UBAP1L: variants seen among roughly 807,000 people sequenced by gnomAD.
UBAP1L encodes ubiquitin associated protein 1 like.
Under a neutral mutation model 32.1 loss-of-function variants are expected in UBAP1L, and 32 were observed. The observed-to-expected ratio is 1.00, with a 90% CI of 0.75 to 1.34. The LOEUF (loss-of-function observed/expected upper bound fraction) is 1.34, where lower values mean the gene tolerates loss of function less well. UBAP1L is among the 40% of genes most tolerant of loss of function. UBAP1L has a pLI of 0.00. For missense variants in UBAP1L, 516 were observed against 540.5 expected (o/e 0.95, Z 0.45); for synonymous variants, 243 against 250.2 (o/e 0.97, Z 0.27).
Position 65,093,061 on chromosome 15 carries a change from G to A in UBAP1L, c.*36C>T. The A allele has an allele frequency of 6.5e-7, 1 of 1,535,460 alleles. No homozygotes were observed. The highest frequency in any genetic ancestry group is 8.7e-7 in the Non-Finnish European group (1 of 1,142,988). On this transcript the variant is annotated 3_prime_UTR_variant, in exon 6 of 6. Coordinates refer to ENST00000559089, the MANE Select transcript of UBAP1L (RefSeq NM_001163692.2). ...GATGGGTTGCCAGGTCTGGCATTGG[G>A]CCTAGATGCCCAGGCATCGTGGAGT...
At chr15:65,104,215 G>A (rs2087277264) in intron 2 of UBAP1L, among the ~76,000 whole-genome samples, 1 of 151,676 alleles carries the variant, frequency 6.6e-6, no homozygotes, top group Non-Finnish European at 1.5e-5. Context: ...TTGCACCACT[G>A]CACACTCCAG....
At chr15:65,105,735 G>GGTAGGT in intron 2 of UBAP1L, 1 of 699,624 alleles carries the variant, frequency 1.4e-6, no homozygotes, top group East Asian at 2.8e-5. Flanking sequence ...TGGTGGAGTT[G>GGTAGGT]GTAGGTGTGC....
intron 5 of UBAP1L, among the ~76,000 whole-genome samples, 175 bp from the exon 6 acceptor site, chr15:65,093,406 T>C (rs1224018867): frequency 6.6e-6 from 1 of 152,232 alleles, no homozygotes; most frequent in Non-Finnish European, 1.5e-5. Flanking sequence ...TGTAGGGTGA[T>C]GTAGGTTCCG....
At chr15:65,114,052 A>G (rs1387788536) in intron 1 of UBAP1L, among the ~76,000 whole-genome samples, 1 of 151,676 alleles carries the variant, frequency 6.6e-6, no homozygotes, top group Non-Finnish European at 1.5e-5. Flanking sequence ...ACGCCCGCTA[A>G]TTTTTGTATT....
At chr15:65,113,875 T>C (rs1381586670) in intron 1 of UBAP1L, among the ~76,000 whole-genome samples, 1 of 152,168 alleles carries the variant, frequency 6.6e-6, no homozygotes, top group East Asian at 1.9e-4. Flanking sequence ...CACAGTGGCC[T>C]TTACAAAGTT....
In UBAP1L at chr15:65,106,146, C is replaced by G; in HGVS notation, c.70G>C (p.Gly24Arg). The change falls in exon 2 of 6, where the codon GGG (glycine) becomes CGG (arginine). Residue 24 changes from glycine (G) to arginine (R), a missense_variant. Gly to Arg is a moderately radical substitution (Grantham distance 125). Coordinates refer to ENST00000559089, the MANE Select transcript of UBAP1L (RefSeq NM_001163692.2). ...CAGGCCGGGACGCTGAGTTCTGGCC[C>G]AGGGAGAGGCTCTGTGCCTATCACA... ...GFVIGTEPLP[G>R]PELSVPACGE... 1 of 1,550,930 alleles carries G rather than the reference C, an allele frequency of 6.4e-7. No homozygotes were observed. The highest frequency in any genetic ancestry group is 8.7e-7 in the Non-Finnish European group (1 of 1,146,794).
At chr15:65,100,363 C>T (rs1401202125) in intron 3 of UBAP1L, 2 of 152,190 alleles carry the variant, frequency 1.3e-5, no homozygotes, top group Non-Finnish European at 2.9e-5. Context: ...CGTTAATGAC[C>T]TGATTAAGCA....
At chr15:65,113,397 T>C (rs552465399) in intron 1 of UBAP1L, among the ~76,000 whole-genome samples, 68 of 152,324 alleles carry the variant, frequency 4.5e-4, no homozygotes, top group Non-Finnish European at 8.2e-4. Context: ...AACCTTTGCA[T>C]ATCCTGTTCT....
chr15:65,093,773 G>A (rs1260535772), intron 5 of UBAP1L, among the ~76,000 whole-genome samples: 1 of 152,228 alleles, frequency 6.6e-6, no homozygotes, highest in Non-Finnish European at 1.5e-5. Context: ...GCCGGGTGCG[G>A]TGGCTCACGC....
chr15:65,097,798 G>A (rs1486351799), intron 4 of UBAP1L: 2 of 152,180 alleles, frequency 1.3e-5, no homozygotes, highest in Non-Finnish European at 2.9e-5. Flanking sequence ...AGGGGACCAG[G>A]TGCATTTGCC....
rs866429177 is a variant in UBAP1L, at chr15:65,094,093, G to A, written c.1011+382C>T. 5.3e-5 allele frequency among the ~76,000 whole-genome samples: 8 copies of A among 152,180 alleles called. No individual in the cohort carries two copies. Among genetic ancestry groups the A allele is most frequent in the Non-Finnish European group, 1.0e-4 (7 of 68,030 alleles). On this transcript the variant is annotated intron_variant, in intron 5 of 5. Transcript: ENST00000559089. The surrounding 1 kb of genome is among the most constrained non-coding windows in gnomAD (Gnocchi z 4.2). Reference sequence around the variant, plus strand: ...GGGCCTACAGCTGCATGCACTTGGGGTAGGCGGCACGCTCCCCAAGTAGAA... The same window carrying A: ...GGGCCTACAGCTGCATGCACTTGGGATAGGCGGCACGCTCCCCAAGTAGAA...
chr15:65,097,199 G>A (rs1461809224), intron 4 of UBAP1L: 1 of 152,336 alleles, frequency 6.6e-6, no homozygotes. Flanking sequence ...CCCACTGGGA[G>A]GCCAGGGCCC....
At chr15:65,099,408 T>A (rs772642404) in intron 4 of UBAP1L, 97 bp downstream of exon 4, 30 of 1,300,888 alleles carry the variant, frequency 2.3e-5, no homozygotes, top group Non-Finnish European at 3.2e-5. Flanking sequence ...GCTGATGCTG[T>A]TGTTGGGCCT....
chr15:65,094,720 G>A lies in UBAP1L; in HGVS notation c.910-144C>T, dbSNP rs369040638. 1.0e-5 allele frequency: 7 copies of A among 679,496 alleles called. No individual in the cohort carries two copies. Among genetic ancestry groups the A allele is most frequent in the African/African-American group, 3.5e-5 (2 of 56,458 alleles). 42.1% of individuals were successfully genotyped at this position (679,496 alleles called of 1,614,324 possible). ...CCTGCAGCGTGGCCCCAGAGAGCCC[G>A]TGAACCCACAGAAGGGGGATAGAGG... On this transcript the variant is annotated intron_variant, in intron 4 of 5. Transcript: ENST00000559089. This position sits in a 1 kb window ranked among gnomAD's most constrained non-coding sequence, Gnocchi z 4.2.
chr15:65,111,381 G>A lies in UBAP1L; in HGVS notation c.-174+3769C>T, dbSNP rs191699754. On this transcript the variant is annotated intron_variant, in intron 1 of 5. Coordinates refer to ENST00000559089, the MANE Select transcript of UBAP1L (RefSeq NM_001163692.2). ...TATCTGTCCACTTAGCAGGTATAGG[G>A]CACCCTTCTCTCCATCTTCCGCCCA... Among the ~76,000 whole-genome samples the A allele has an allele frequency of 6.7e-4, 102 of 152,304 alleles. 1 individual carries two copies. The highest frequency in any genetic ancestry group is 2.3e-3 in the African/African-American group (95 of 41,566).
At chr15:65,093,768 G>A (rs2087143724) in intron 5 of UBAP1L, among the ~76,000 whole-genome samples, 1 of 152,242 alleles carries the variant, frequency 6.6e-6, no homozygotes, top group Admixed American at 6.5e-5. Flanking sequence ...CTGGGGCCGG[G>A]TGCGGTGGCT....
chr15:65,099,855 A>G (rs2087220783), intron 3 of UBAP1L, 141 bp from the exon 4 acceptor site: 6 of 683,058 alleles, frequency 8.8e-6, no homozygotes, highest in South Asian at 5.9e-5. Flanking sequence ...AGAGTCCTGC[A>G]GACCCCAGCT....
At chr15:65,110,774 G>T (rs565330185) in intron 1 of UBAP1L, among the ~76,000 whole-genome samples, 104 of 152,000 alleles carry the variant, frequency 6.8e-4, no homozygotes, top group African/African-American at 2.4e-3. Flanking sequence ...TAATACACTT[G>T]AATCTAGACT....
chr15:65,100,017 G>A (rs1019861073), intron 3 of UBAP1L: 3 of 220,450 alleles, frequency 1.4e-5, no homozygotes, highest in African/African-American at 6.8e-5. Context: ...GCCAAGGCAG[G>A]TGGATCACCT....
Sources: allele counts gnomAD v4.1 joint callset (sites outside exome capture counted in the v4.1 genomes callset), GRCh38; gene constraint gnomAD v4.1.1; non-coding constraint Gnocchi (gnomAD v3.1); transcripts MANE v1.5; gene names NCBI Gene and HGNC (gene_info 2026-07-23, HGNC 2026-07-21).